COL21A1: variants seen among roughly 807,000 people sequenced by gnomAD.
COL21A1 encodes collagen type XXI alpha 1 chain.
COL21A1 carries 149 observed loss-of-function variants against 137.9 expected under a neutral mutation model. The observed-to-expected ratio is 1.08, with a 90% CI of 0.95 to 1.24. COL21A1 has a LOEUF of 1.24. Ranked by LOEUF, COL21A1 falls within the 50% of genes most tolerant of loss-of-function variation. COL21A1 has a pLI of 0.00. For synonymous variants in COL21A1, 456 were observed against 391.5 expected, an observed-to-expected ratio of 1.16 and a Z score of -1.95; for missense variants, 1,167 against 1,158.4, an observed-to-expected ratio of 1.01 and a Z score of -0.11.
intron 1 of COL21A1, among the ~76,000 whole-genome samples, chr6:56,269,517 T>A (rs1345439943): frequency 1.3e-5 from 2 of 150,292 alleles, no homozygotes; most frequent in Non-Finnish European, 1.5e-5. Flanking sequence ...TAGCCGGGCG[T>A]AGTGGCGGGC....
chr6:56,141,117 A>G (rs1355930283), intron 12 of COL21A1, among the ~76,000 whole-genome samples: 3 of 152,188 alleles, frequency 2.0e-5, no homozygotes, highest in Non-Finnish European at 4.4e-5. Context: ...TGAAATCAGT[A>G]TGTTGGGGAG....
intron 1 of COL21A1, among the ~76,000 whole-genome samples, chr6:56,330,347 C>T (rs533995026): frequency 1.1e-4 from 17 of 151,902 alleles, no homozygotes; most frequent in South Asian, 2.1e-4. Context: ...ACACTAAAAA[C>T]GCATTGGCTA....
At chr6:56,369,985 T>C (rs1004157190) in intron 1 of COL21A1, among the ~76,000 whole-genome samples, 1 of 152,200 alleles carries the variant, frequency 6.6e-6, no homozygotes, top group African/African-American at 2.4e-5. Flanking sequence ...TTATGTTGAA[T>C]GGTTGTAATT....
chr6:56,086,073 T>G (rs958131924), intron 17 of COL21A1, among the ~76,000 whole-genome samples: 3 of 151,220 alleles, frequency 2.0e-5, no homozygotes, highest in Non-Finnish European at 2.9e-5. Context: ...TCATCAGGGG[T>G]TTTAAATTTA....
chr6:56,206,339 T>C (rs559657760), intron 1 of COL21A1, among the ~76,000 whole-genome samples: 1 of 147,442 alleles, frequency 6.8e-6, no homozygotes, highest in African/African-American at 2.5e-5. Flanking sequence ...GAGGTTGTAA[T>C]CCTAGTCTTT....
chr6:56,241,631 G>A (rs1377201268), intron 1 of COL21A1, among the ~76,000 whole-genome samples: 1 of 115,274 alleles, frequency 8.7e-6, no homozygotes, highest in Non-Finnish European at 1.8e-5. Context: ...CTGATTCTCA[G>A]GACCTGGGTA....
intron 1 of COL21A1, among the ~76,000 whole-genome samples, chr6:56,286,883 A>G (rs929975779): frequency 6.6e-6 from 1 of 152,230 alleles, no homozygotes; most frequent in African/African-American, 2.4e-5. Flanking sequence ...CTAGAGAGAG[A>G]TGAAACTATC....
chr6:56,215,583 G>A (rs1780430382), intron 1 of COL21A1, among the ~76,000 whole-genome samples: 1 of 152,048 alleles, frequency 6.6e-6, no homozygotes, highest in Non-Finnish European at 1.5e-5. Flanking sequence ...ACTAAAGCAA[G>A]TTTCTTAATT....
intron 1 of COL21A1, among the ~76,000 whole-genome samples, chr6:56,336,020 C>G (rs1341962570): frequency 1.3e-5 from 2 of 152,172 alleles, no homozygotes; most frequent in African/African-American, 4.8e-5. Flanking sequence ...GGACAACAGA[C>G]AAGGCTAATA....
chr6:56,377,284 C>T (rs2094001073), intron 1 of COL21A1, among the ~76,000 whole-genome samples: 1 of 152,032 alleles, frequency 6.6e-6, no homozygotes, highest in Admixed American at 6.6e-5. Context: ...CCACCGCGCC[C>T]GGCCCGGAAA....
At chr6:56,168,092 A>C in intron 6 of COL21A1, 32 bp downstream of exon 6, 1 of 1,376,752 alleles carries the variant, frequency 7.3e-7, no homozygotes, top group South Asian at 1.6e-5. Flanking sequence ...TTCATTCTAT[A>C]TAATTCAAAG....
chr6:56,232,557 A>G (rs1781632330), intron 1 of COL21A1, among the ~76,000 whole-genome samples: 1 of 151,914 alleles, frequency 6.6e-6, no homozygotes, highest in South Asian at 2.1e-4. Flanking sequence ...TCAGTTGGCT[A>G]CGTTCTGTTA....
intron 1 of COL21A1, among the ~76,000 whole-genome samples, chr6:56,208,072 A>G (rs1167302990): frequency 6.6e-6 from 1 of 152,164 alleles, no homozygotes; most frequent in African/African-American, 2.4e-5. Flanking sequence ...CCCACAGCCA[A>G]TGTTATACTG....
In COL21A1 at chr6:56,057,561, G is replaced by T; in HGVS notation, c.*96C>A. Reference sequence around the variant, plus strand: ...AAAATAAAAACACCGAGGTACTTAAGTTTCTTTTCAAGGGATTACTGTTGG... The same window carrying T: ...AAAATAAAAACACCGAGGTACTTAATTTTCTTTTCAAGGGATTACTGTTGG... On this transcript the variant is annotated 3_prime_UTR_variant, in exon 30 of 30. Coordinates refer to ENST00000244728, the MANE Select transcript of COL21A1 (RefSeq NM_030820.4). 2 of 1,172,816 alleles carry T rather than the reference G, an allele frequency of 1.7e-6. No homozygotes were observed. The highest frequency in any genetic ancestry group is 2.4e-6 in the Non-Finnish European group (2 of 817,336). The allele number at this position is 1,172,816 out of a possible 1,614,324, so 72.7% of individuals were successfully genotyped here. A position where few individuals can be genotyped will look rare whatever the true frequency, so the allele number is the denominator to read the frequency against.
chr6:56,387,559 C>T (rs141688252), intron 1 of COL21A1, among the ~76,000 whole-genome samples: 2 of 152,250 alleles, frequency 1.3e-5, no homozygotes, highest in East Asian at 3.9e-4. Flanking sequence ...CTACACCACC[C>T]CTCTCCCAGC....
chr6:56,059,056 C>A, intron 29 of COL21A1, 109 bp downstream of exon 29: 1 of 826,742 alleles, frequency 1.2e-6, no homozygotes, highest in African/African-American at 1.7e-5. Context: ...GTGAATCACT[C>A]AAAAAAGAAA....
chr6:56,128,577 C>A (rs898770072), intron 12 of COL21A1, among the ~76,000 whole-genome samples: 6 of 152,138 alleles, frequency 3.9e-5, no homozygotes, highest in Non-Finnish European at 8.8e-5. Flanking sequence ...ACTGGCTGAC[C>A]GCATTCTGGA....
chr6:56,234,693 A>G (rs987630507), intron 1 of COL21A1, among the ~76,000 whole-genome samples: 2 of 151,680 alleles, frequency 1.3e-5, no homozygotes, highest in East Asian at 1.9e-4. Flanking sequence ...TCATTTCCCA[A>G]TTCAATAGCT....
intron 1 of COL21A1, among the ~76,000 whole-genome samples, chr6:56,192,146 T>C (rs1371517101): frequency 6.6e-6 from 1 of 152,122 alleles, no homozygotes; most frequent in Non-Finnish European, 1.5e-5. Flanking sequence ...TAGCTAGCCA[T>C]ATGCAGAAAA....
Sources: allele counts gnomAD v4.1 joint callset (sites outside exome capture counted in the v4.1 genomes callset), GRCh38; gene constraint gnomAD v4.1.1; transcripts MANE v1.5; gene names NCBI Gene and HGNC (gene_info 2026-07-23, HGNC 2026-07-21).